Variants in SDCCAG8 observed in about 807,000 individuals in gnomAD.
SDCCAG8 encodes serologically defined colon cancer antigen 8.
Under a neutral mutation model 101.8 loss-of-function variants are expected in SDCCAG8, and 74 were observed. That is an observed-to-expected ratio of 0.73 (90% confidence interval 0.60 to 0.88). SDCCAG8 has a LOEUF of 0.88. Ranked by LOEUF, SDCCAG8 falls within the 40% of genes least tolerant of loss-of-function variation. The pLI, the probability that SDCCAG8 is intolerant of heterozygous loss-of-function variation, is 0.00. For missense variants in SDCCAG8, 787 were observed against 822.6 expected, an observed-to-expected ratio of 0.96 and a Z score of 0.53; for synonymous variants, 281 against 292.9, an observed-to-expected ratio of 0.96 and a Z score of 0.41.
chr1:243,394,423 A>T (rs2078912911), intron 13 of SDCCAG8, among the ~76,000 whole-genome samples: 1 of 152,208 alleles, frequency 6.6e-6, no homozygotes, highest in African/African-American at 2.4e-5. Context: ...GATCAACTCT[A>T]TGAAAATATC....
intron 10 of SDCCAG8, among the ~76,000 whole-genome samples, chr1:243,333,764 G>A (rs987254988): frequency 2.0e-5 from 3 of 150,124 alleles, no homozygotes; most frequent in African/African-American, 7.3e-5. Flanking sequence ...TTGGGAGAAT[G>A]ATGATGTGTG....
intron 13 of SDCCAG8, among the ~76,000 whole-genome samples, chr1:243,398,136 AG>A (rs1249465739): frequency 3.9e-5 from 6 of 152,246 alleles, no homozygotes; most frequent in Admixed American, 3.9e-4. Flanking sequence ...CACTGCTCAC[AG>A]AGATTAAACA....
At chr1:243,262,426 C>T (rs1333412854) in intron 1 of SDCCAG8, among the ~76,000 whole-genome samples, 1 of 152,078 alleles carries the variant, frequency 6.6e-6, no homozygotes, top group East Asian at 1.9e-4. Flanking sequence ...CTTCTTAGTG[C>T]CTTTAACTTT....
At chr1:243,358,874 G>A (rs1444445433) in intron 12 of SDCCAG8, among the ~76,000 whole-genome samples, 1 of 152,150 alleles carries the variant, frequency 6.6e-6, no homozygotes, top group Admixed American at 6.5e-5. Flanking sequence ...ACAACATATT[G>A]TATGATTCAA....
At chr1:243,479,592 C>T (rs1663083243) in intron 16 of SDCCAG8, among the ~76,000 whole-genome samples, 1 of 152,192 alleles carries the variant, frequency 6.6e-6, no homozygotes, top group Non-Finnish European at 1.5e-5. Flanking sequence ...GCAGATCATA[C>T]AGAAACAGGC....
At chr1:243,437,057 C>G (rs778385278) in intron 16 of SDCCAG8, among the ~76,000 whole-genome samples, 5 of 152,108 alleles carry the variant, frequency 3.3e-5, no homozygotes, top group Admixed American at 6.5e-5. Context: ...TTTGGTTTAT[C>G]TTTTTGGTAG....
intron 16 of SDCCAG8, among the ~76,000 whole-genome samples, chr1:243,429,957 C>T (rs972921673): frequency 3.3e-5 from 5 of 151,998 alleles, no homozygotes; most frequent in Admixed American, 2.6e-4. Flanking sequence ...CCTACCTCGG[C>T]GTCCTCTGGG....
intron 6 of SDCCAG8, among the ~76,000 whole-genome samples, chr1:243,296,340 A>C (rs558060221): frequency 1.3e-5 from 2 of 152,064 alleles, no homozygotes; most frequent in African/African-American, 4.8e-5. Context: ...AGCTCCCATA[A>C]AGCAAACAAA....
intron 5 of SDCCAG8, among the ~76,000 whole-genome samples, chr1:243,292,235 T>C (rs1325109960): frequency 6.6e-6 from 1 of 152,178 alleles, no homozygotes; most frequent in Non-Finnish European, 1.5e-5. Flanking sequence ...TAAGTCAATC[T>C]CCAGTCCTTT....
intron 9 of SDCCAG8, among the ~76,000 whole-genome samples, chr1:243,318,694 C>G (rs1219502417): frequency 6.6e-6 from 1 of 152,130 alleles, no homozygotes; most frequent in Non-Finnish European, 1.5e-5. Flanking sequence ...CCTGTTTCTT[C>G]ATTTGTTGTG....
Position 243,345,626 on chromosome 1 carries a change from A to G in SDCCAG8, c.1473+1295A>G, listed in dbSNP as rs373926688. Reference sequence around the variant, plus strand: ...TACTTTTGGCCTTTCGTATTATTCTACAGCATTCTGACAGCATAATATTTT... The same window carrying G: ...TACTTTTGGCCTTTCGTATTATTCTGCAGCATTCTGACAGCATAATATTTT... On this transcript the variant is annotated intron_variant, in intron 12 of 17. Transcript: ENST00000366541. Among the ~76,000 whole-genome samples, 34 of 152,318 alleles carry G rather than the reference A, an allele frequency of 2.2e-4. No homozygotes were observed. In the South Asian group the frequency reaches 7.0e-3, roughly 32 times the overall value.
chr1:243,437,161 AGTTGT>A (rs1193318858), intron 16 of SDCCAG8, among the ~76,000 whole-genome samples: 1 of 152,196 alleles, frequency 6.6e-6, no homozygotes, highest in African/African-American at 2.4e-5. Flanking sequence ...TCATTTCTGT[AGTTGT>A]GTTTGTTGCT....
chr1:243,294,123 G>A (rs775473646), intron 6 of SDCCAG8, among the ~76,000 whole-genome samples: 3 of 151,992 alleles, frequency 2.0e-5, no homozygotes, highest in East Asian at 1.9e-4. Context: ...GTGGTTTCTC[G>A]AGCGTAGTTT....
intron 13 of SDCCAG8, among the ~76,000 whole-genome samples, 163 bp downstream of exon 13, chr1:243,379,026 A>G (rs2077772553): frequency 6.6e-6 from 1 of 152,220 alleles, no homozygotes; most frequent in East Asian, 1.9e-4. Flanking sequence ...ACACCCAGAC[A>G]TGTGAATGAT....
chr1:243,447,576 G>T (rs2083026665), intron 16 of SDCCAG8, among the ~76,000 whole-genome samples: 1 of 152,102 alleles, frequency 6.6e-6, no homozygotes, highest in Non-Finnish European at 1.5e-5. Context: ...GTGACTCAAA[G>T]GGGTGGGGCA....
At chr1:243,313,280 A>T (rs2072927094) in intron 8 of SDCCAG8, among the ~76,000 whole-genome samples, 1 of 152,226 alleles carries the variant, frequency 6.6e-6, no homozygotes. Context: ...AATAATGCTT[A>T]AAATTAATAA....
chr1:243,382,634 GT>G (rs896640923), intron 13 of SDCCAG8, among the ~76,000 whole-genome samples: 37 of 152,278 alleles, frequency 2.4e-4, no homozygotes, highest in African/African-American at 8.9e-4. Context: ...CAAGTAAGAA[GT>G]CAAGAGGGCT....
Position 243,270,218 on chromosome 1 carries a change from G to A in SDCCAG8, c.181G>A (p.Ala61Thr), listed in dbSNP as rs149928402. ...TAGCACCAGTGTGGGAAATGAGGAC[G>A]CCAGGACAGCCTGGCCCGAATTACA... ...SFSTSVGNEDARTAWPELQQS... is the reference protein window; with the variant it reads ...SFSTSVGNEDTRTAWPELQQS... The change falls in exon 2 of 18, where the codon GCC (alanine) becomes ACC (threonine). Residue 61 changes from alanine (A) to threonine (T), a missense_variant. Transcript: ENST00000366541. 1.6e-5 allele frequency: 26 copies of A among 1,614,126 alleles called. No individual in the cohort carries two copies. Among genetic ancestry groups the A allele is most frequent in the African/African-American group, 2.7e-5 (2 of 75,038 alleles).
chr1:243,405,988 T>C (rs2079754895), intron 13 of SDCCAG8, among the ~76,000 whole-genome samples: 1 of 152,130 alleles, frequency 6.6e-6, no homozygotes, highest in Non-Finnish European at 1.5e-5. Flanking sequence ...AATAATGCAT[T>C]TCCATTGACA....
Sources: allele counts gnomAD v4.1 joint callset (sites outside exome capture counted in the v4.1 genomes callset), GRCh38; gene constraint gnomAD v4.1.1; transcripts MANE v1.5; gene names NCBI Gene and HGNC (gene_info 2026-07-23, HGNC 2026-07-21).